Variants in MYT1L observed in about 807,000 individuals in gnomAD.
MYT1L encodes myelin transcription factor 1 like, also known as myelin transcription factor 1-like protein.
MYT1L carries 12 observed loss-of-function variants against 126.7 expected under a neutral mutation model. That is an observed-to-expected ratio of 0.09 (90% CI 0.06 to 0.15). The LOEUF (loss-of-function observed/expected upper bound fraction) is 0.15. MYT1L is among the 10% of genes least tolerant of loss of function. The pLI, the probability that MYT1L is intolerant of heterozygous loss-of-function variation, is 1.00. For missense variants in MYT1L, 979 were observed against 1,585.2 expected (o/e 0.62, Z 6.49); for synonymous variants, 541 against 604.2 (o/e 0.90, Z 1.53).
chr2:2,106,619 AAAAT>A (rs1360419052), intron 3 of MYT1L, among the ~76,000 whole-genome samples: 2 of 152,174 alleles, frequency 1.3e-5, no homozygotes, highest in Non-Finnish European at 2.9e-5. Flanking sequence ...CTCCATCTCA[AAAAT>A]AAATAAATAA....
chr2:2,144,411 T>A (rs934353115), intron 3 of MYT1L, among the ~76,000 whole-genome samples: 3 of 152,204 alleles, frequency 2.0e-5, no homozygotes, highest in Non-Finnish European at 4.4e-5. Context: ...TTCCTCCATA[T>A]TGTGTGCTGG....
At chr2:1,816,692 C>A (rs1280421040) in intron 21 of MYT1L, 1 of 152,768 alleles carries the variant, frequency 6.5e-6, no homozygotes, top group South Asian at 2.1e-4. Flanking sequence ...TTCAGGGAAA[C>A]CCCGTCACCC....
Position 2,230,872 on chromosome 2 carries a change from A to C in MYT1L, c.-421+53532T>G, listed in dbSNP as rs531851104. 2.0e-5 allele frequency among the ~76,000 whole-genome samples: 3 copies of C among 152,252 alleles called. No individual in the cohort carries two copies. In the South Asian group the frequency reaches 6.2e-4, roughly 32 times the overall value. ...ATACCTCCAAGATCTTTCTGTCTTTACATTTCTATGGTGGAAAATGAGGTG... is the reference window on the plus strand; with the variant it reads ...ATACCTCCAAGATCTTTCTGTCTTTCCATTTCTATGGTGGAAAATGAGGTG... On this transcript the variant is annotated intron_variant, in intron 2 of 24. Coordinates refer to ENST00000647738, the MANE Select transcript of MYT1L (RefSeq NM_001303052.2).
intron 21 of MYT1L, among the ~76,000 whole-genome samples, chr2:1,821,672 C>A (rs2038546460): frequency 6.6e-6 from 1 of 152,194 alleles, no homozygotes; most frequent in Non-Finnish European, 1.5e-5. Flanking sequence ...ACGCATACAT[C>A]CCAGACATTG....
intron 18 of MYT1L, among the ~76,000 whole-genome samples, chr2:1,879,038 G>T (rs1216518463): frequency 6.6e-6 from 1 of 152,196 alleles, no homozygotes; most frequent in Non-Finnish European, 1.5e-5. Flanking sequence ...ACCCCTGGAA[G>T]GCCACAGATC....
chr2:1,896,492 T>C (rs1313901844), intron 14 of MYT1L, among the ~76,000 whole-genome samples: 1 of 152,240 alleles, frequency 6.6e-6, no homozygotes, highest in East Asian at 1.9e-4. Flanking sequence ...CACTCTGTGA[T>C]ACTATGCAGC....
intron 3 of MYT1L, among the ~76,000 whole-genome samples, chr2:2,163,482 T>C (rs1053997263): frequency 3.1e-4 from 47 of 151,930 alleles, no homozygotes; most frequent in African/African-American, 1.1e-3. Flanking sequence ...TCCCAGCACT[T>C]TGGGAGGCCG....
At chr2:1,952,199 AT>A (rs66682654) in intron 8 of MYT1L, among the ~76,000 whole-genome samples, 6 of 152,354 alleles carry the variant, frequency 3.9e-5, no homozygotes, top group African/African-American at 1.4e-4. Context: ...GAATTTAAAA[AT>A]AATCTCAGTT....
intron 2 of MYT1L, among the ~76,000 whole-genome samples, chr2:2,272,325 AG>A (rs1211485586): frequency 6.6e-6 from 1 of 152,096 alleles, no homozygotes; most frequent in Non-Finnish European, 1.5e-5. Flanking sequence ...CTGGGCCTCT[AG>A]GACACTCATG....
intron 1 of MYT1L, among the ~76,000 whole-genome samples, chr2:2,299,256 C>T (rs2095747666): frequency 6.6e-6 from 1 of 152,208 alleles, no homozygotes; most frequent in Non-Finnish European, 1.5e-5. Flanking sequence ...GGGGAGCACC[C>T]ATCAATATGT....
chr2:2,041,504 T>G (rs1357760333), intron 4 of MYT1L, among the ~76,000 whole-genome samples: 10 of 152,214 alleles, frequency 6.6e-5, no homozygotes, highest in Non-Finnish European at 1.5e-4. Flanking sequence ...TACTTTTCGT[T>G]TTACAAAGAT....
At chr2:2,178,853 T>G (rs2091111771) in intron 2 of MYT1L, among the ~76,000 whole-genome samples, 1 of 152,210 alleles carries the variant, frequency 6.6e-6, no homozygotes, top group South Asian at 2.1e-4. Flanking sequence ...GTGACAGGTA[T>G]GCAGTCCCCA....
intron 4 of MYT1L, among the ~76,000 whole-genome samples, chr2:2,048,777 A>T (rs147851220): frequency 1.0e-3 from 156 of 152,202 alleles, no homozygotes; most frequent in African/African-American, 3.4e-3. Context: ...GTGTCGCCTG[A>T]CTTCAGGTAA....
intron 4 of MYT1L, among the ~76,000 whole-genome samples, chr2:2,023,303 A>G (rs2065211706): frequency 6.6e-6 from 1 of 152,146 alleles, no homozygotes; most frequent in Non-Finnish European, 1.5e-5. Flanking sequence ...TCGTGCATGA[A>G]CTGTTCATCT....
chr2:2,140,823 C>T (rs922246063), intron 3 of MYT1L, among the ~76,000 whole-genome samples: 1 of 152,204 alleles, frequency 6.6e-6, no homozygotes, highest in African/African-American at 2.4e-5. Context: ...CTTGCCTCAG[C>T]CTCCCAAAGT....
chr2:1,899,305 C>G (rs1276036526), intron 14 of MYT1L, among the ~76,000 whole-genome samples: 1 of 152,236 alleles, frequency 6.6e-6, no homozygotes, highest in Non-Finnish European at 1.5e-5. Context: ...CCAACGGCAC[C>G]CTATGCATGG....
chr2:1,851,603 A>T, intron 19 of MYT1L, 38 bp downstream of exon 19: 1 of 1,593,066 alleles, frequency 6.3e-7, no homozygotes, highest in Non-Finnish European at 8.6e-7. Context: ...TTCAGTGAGA[A>T]AGAGCATTTT....
At chr2:1,986,149 T>C (rs1456639826) in intron 5 of MYT1L, among the ~76,000 whole-genome samples, 1 of 152,256 alleles carries the variant, frequency 6.6e-6, no homozygotes, top group Admixed American at 6.5e-5. Context: ...ACTAATTACA[T>C]TGTACTAATG....
At chr2:2,063,359 T>C (rs1258560536) in intron 3 of MYT1L, among the ~76,000 whole-genome samples, 1 of 152,154 alleles carries the variant, frequency 6.6e-6, no homozygotes, top group Non-Finnish European at 1.5e-5. Context: ...GAGATCTTCA[T>C]TATCTGTTCA....
Sources: gnomAD v4.1 joint callset for allele counts (sites outside exome capture counted in the v4.1 genomes callset) on GRCh38, gnomAD v4.1.1 for gene constraint, MANE v1.5 for transcripts, NCBI Gene and HGNC (gene_info 2026-07-23, HGNC 2026-07-21) for gene names.